MACF1: variants seen among roughly 807,000 people sequenced by gnomAD.
MACF1 encodes microtubule-actin cross-linking factor 1.
A neutral mutation model predicts 854.8 loss-of-function variants in MACF1; 193 were observed. That is an observed-to-expected ratio of 0.23 (90% CI 0.20 to 0.25). The LOEUF is 0.25. Among genes scored for constraint, MACF1 ranks in the 10% least tolerant of loss-of-function variants. MACF1 has a pLI of 1.00. For missense variants in MACF1, 7,722 were observed against 8,929.1 expected (o/e 0.86, Z 5.45); for synonymous variants, 3,185 against 3,226.7 (o/e 0.99, Z 0.44).
chr1:39,431,653 C>T (rs537065662), intron 66 of MACF1, among the ~76,000 whole-genome samples: 1 of 151,992 alleles, frequency 6.6e-6, no homozygotes, highest in South Asian at 2.1e-4. Flanking sequence ...GTATATTGGC[C>T]AAGTTGAAGA....
intron 2 of MACF1, among the ~76,000 whole-genome samples, chr1:39,158,572 T>G (rs1458651801): frequency 6.6e-6 from 1 of 152,204 alleles, no homozygotes; most frequent in African/African-American, 2.4e-5. Context: ...CCCTGACTGG[T>G]GTCCTGAAAA....
chr1:39,410,126 G>A (rs967577102), intron 58 of MACF1: 2 of 590,036 alleles, frequency 3.4e-6, no homozygotes, highest in African/African-American at 3.7e-5. Flanking sequence ...GGAACTTCCA[G>A]GCCTTTCTGG....
chr1:39,269,743 T>C (rs1557554798), intron 6 of MACF1: 1 of 1,275,158 alleles, frequency 7.8e-7, no homozygotes, highest in Non-Finnish European at 1.0e-6. Flanking sequence ...GTTCAAGAGA[T>C]AATCAAACTG....
chr1:39,093,042 C>T (rs545131378), intron 2 of MACF1, among the ~76,000 whole-genome samples: 174 of 152,186 alleles, frequency 1.1e-3, no homozygotes, highest in South Asian at 8.7e-3. Context: ...CCTGGGCCTC[C>T]GAAAGTGCTG....
chr1:39,168,648 A>G (rs1643906740), intron 2 of MACF1, among the ~76,000 whole-genome samples: 1 of 151,802 alleles, frequency 6.6e-6, no homozygotes, highest in Admixed American at 6.6e-5. Flanking sequence ...CTGTGTTTCT[A>G]CATTTATCAG....
Position 39,084,446 on chromosome 1 carries a change from A to G in MACF1, c.220+8A>G, listed in dbSNP as rs769224747. The G allele has an allele frequency of 1.9e-5, 30 of 1,603,582 alleles. No individual in the cohort carries two copies. Among genetic ancestry groups the G allele is most frequent in the Non-Finnish European group, 1.1e-5 (13 of 1,178,578 alleles). On this transcript the variant is annotated splice_region_variant and intron_variant, in intron 2 of 93. Coordinates refer to the MACF1 transcript ENST00000361689. The surrounding 1 kb of genome is among the most constrained non-coding windows in gnomAD (Gnocchi z 5.2). The stretch of plus-strand genomic sequence containing the variant: ...CTGTGGTCAGAGTCGCTGGTAAGAG[A>G]GGTCCCCCAGCAGGCTGGACGCTGT...
At chr1:39,473,702 G>A (rs1644821450) in intron 97 of MACF1, among the ~76,000 whole-genome samples, 1 of 16,044 alleles carries the variant, frequency 6.2e-5, no homozygotes. Context: ...AAACTGTTGA[G>A]AGACTTGTTT....
At chr1:39,240,204 G>A (rs552228875) in intron 2 of MACF1, among the ~76,000 whole-genome samples, 10 of 152,288 alleles carry the variant, frequency 6.6e-5, no homozygotes, top group Non-Finnish European at 8.8e-5. Context: ...TACTTTTTGC[G>A]TATTCATGTC....
intron 2 of MACF1, among the ~76,000 whole-genome samples, chr1:39,247,302 A>T (rs1209389705): frequency 1.3e-5 from 2 of 151,568 alleles, no homozygotes; most frequent in Admixed American, 1.3e-4. Flanking sequence ...CGATCTCCTG[A>T]CCTCGTGATC....
chr1:39,453,901 A>G (rs770028209), intron 88 of MACF1, 51 bp downstream of exon 88: 1 of 1,530,778 alleles, frequency 6.5e-7, no homozygotes, highest in South Asian at 1.2e-5. Flanking sequence ...AACTATCACT[A>G]TAGTATAGTA....
Position 39,334,653 on chromosome 1 carries a change from A to G in MACF1, c.8065A>G (p.Asn2689Asp). The G allele has an allele frequency of 2.5e-6, 4 of 1,614,098 alleles. No homozygotes were observed. Among genetic ancestry groups the G allele is most frequent in the Non-Finnish European group, 3.4e-6 (4 of 1,180,008 alleles). Residue 2689 changes from asparagine to aspartate, a missense_variant, in exon 37 of 101, where the codon AAT becomes GAT. Physicochemically the swap from Asn to Asp is conservative, Grantham distance 23. Around this residue, in one of 15 missense-constraint regions of MACF1, gnomAD observed 1,531 missense variants for 1,601.6 expected, o/e 0.96. Transcript: ENST00000564288. ...GCTGAAGGTTCTAGAAGCCCAGGCA[A>G]ATACTGGTGGAATCATAGATACTGC... ...STLKVLEAQANTGGIIDTATG... is the reference protein window; with the variant it reads ...STLKVLEAQADTGGIIDTATG...
At position 39,331,704 on chromosome 1, in the gene MACF1, G is replaced by A. The variant is rs554127586; in HGVS notation, c.5116G>A (p.Glu1706Lys). The change falls in exon 37 of 101, where the codon GAG (glutamate) becomes AAG (lysine). Residue 1706 changes from glutamate (E) to lysine (K), a missense_variant. Transcript: ENST00000564288. ...SKNLIDPNTA[E>K]KIGLLDLMQR... ...GAATTTGATAGACCCTAACACAGCT[G>A]AGAAAATTGGTTTGCTGGATCTGAT... 1.9e-6 allele frequency: 3 copies of A among 1,614,194 alleles called. No homozygotes were observed. Among genetic ancestry groups the A allele is most frequent in the African/African-American group, 2.7e-5 (2 of 75,062 alleles).
At chr1:39,484,810 A>T in intron 100 of MACF1, 80 bp downstream of exon 100, 1 of 1,537,856 alleles carries the variant, frequency 6.5e-7, no homozygotes, top group Non-Finnish European at 9.0e-7. Flanking sequence ...CACTGCTCCC[A>T]AGGAGCGGGT....
chr1:39,410,223 A>C, intron 58 of MACF1: 1 of 1,459,866 alleles, frequency 6.8e-7, no homozygotes, highest in Non-Finnish European at 9.3e-7. Flanking sequence ...AACCTGTGAA[A>C]AATACTTTTG....
At chr1:39,291,883 G>T (rs747339382) in intron 15 of MACF1, 27 bp from the exon 16 acceptor site, 1 of 1,604,764 alleles carries the variant, frequency 6.2e-7, no homozygotes, top group South Asian at 1.1e-5. Flanking sequence ...AGTAAATTAT[G>T]TCATATATAT....
At chr1:39,365,097 G>A (rs566848078) in intron 49 of MACF1, among the ~76,000 whole-genome samples, 1 of 151,806 alleles carries the variant, frequency 6.6e-6, no homozygotes, top group South Asian at 2.1e-4. Context: ...TTCTTTTTGA[G>A]ACGGAGTCTT....
chr1:39,422,563 C>G, intron 59 of MACF1, 28 bp downstream of exon 59: 1 of 1,587,558 alleles, frequency 6.3e-7, no homozygotes, highest in Non-Finnish European at 8.6e-7. Flanking sequence ...AGCAAGTGTA[C>G]TGGAAACGGA....
chr1:39,417,155 A>G (rs951489489), intron 58 of MACF1, among the ~76,000 whole-genome samples: 2 of 152,216 alleles, frequency 1.3e-5, no homozygotes, highest in African/African-American at 2.4e-5. Context: ...GCAGACATGG[A>G]TACATGGTTA....
At chr1:39,179,835 T>C (rs894731513) in intron 2 of MACF1, among the ~76,000 whole-genome samples, 1 of 151,880 alleles carries the variant, frequency 6.6e-6, no homozygotes, top group Non-Finnish European at 1.5e-5. Context: ...GCCAACATGG[T>C]GAAACCCCGT....
Sources: gnomAD v4.1 joint callset for allele counts (sites outside exome capture counted in the v4.1 genomes callset) on GRCh38, gnomAD v4.1.1 for gene constraint, gnomAD v4.1.1 regional missense constraint, Gnocchi (gnomAD v3.1) non-coding constraint, MANE v1.5 for transcripts, NCBI Gene and HGNC (gene_info 2026-07-23, HGNC 2026-07-21) for gene names.